Variants in HRG observed in about 807,000 individuals in gnomAD.
HRG encodes histidine-rich glycoprotein.
In HRG, 26 loss-of-function variants were observed where a neutral mutation model predicts 29.5. The ratio of observed to expected loss-of-function variants is 0.88; its 90% CI spans 0.65 to 1.22. The LOEUF is 1.22. Among genes scored for constraint, HRG ranks in the 50% most tolerant of loss-of-function variants. The pLI is 0.00. For missense variants in HRG, 671 were observed against 654.5 expected, an observed-to-expected ratio of 1.03 and a Z score of -0.28; for synonymous variants, 243 against 240.4, an observed-to-expected ratio of 1.01 and a Z score of -0.10.
chr3:186,676,914 C>CT (rs1719010732), intron 6 of HRG, 133 bp from the exon 7 acceptor site: 1 of 998,636 alleles, frequency 1.0e-6, no homozygotes, highest in African/African-American at 1.6e-5. Context: ...ATTTGAGAAT[C>CT]TTTTTTCGTA....
Position 186,675,127 on chromosome 3 carries a change from A to C in HRG, c.678A>C (p.Val226=). ...GCAGAGCAGATTTGTTCTATGATGT[A>C]GAAGCCTTGGACTTGGAAAGCCCGA... The part of the protein sequence containing the change: ...GFCRADLFYD[V]EALDLESPKN... The change falls in exon 6 of 7, where the codon GTA becomes GTC. Residue 226 remains valine (V), a synonymous_variant. Transcript: ENST00000232003. The C allele has an allele frequency of 6.2e-7, 1 of 1,613,866 alleles. No homozygotes were observed.
Position 186,675,302 on chromosome 3 carries a change from T to TGAGAGAGAGA in HRG, c.741+113_741+114insAGAGAGAGAG, listed in dbSNP as rs766618968. 1.6e-3 allele frequency: 894 copies of TGAGAGAGAGA among 573,316 alleles called. 3 individuals are homozygous for TGAGAGAGAGA. Among genetic ancestry groups the TGAGAGAGAGA allele is most frequent in the Middle Eastern group, 3.1e-3 (8 of 2,582 alleles). 35.5% of individuals were successfully genotyped at this position (573,316 alleles called of 1,614,324 possible). ...ATGAGTGGGTGTGTGTGTGTGTGTG[T>TGAGAGAGAGA]GTGTGTGAGAGAGAGAGAGAGAGAG... On this transcript the variant is annotated intron_variant, in intron 6 of 6. Coordinates refer to ENST00000232003, the MANE Select transcript of HRG (RefSeq NM_000412.5).
At chr3:186,667,810 G>A (rs1004355047) in intron 1 of HRG, among the ~76,000 whole-genome samples, 1 of 152,084 alleles carries the variant, frequency 6.6e-6, no homozygotes, top group South Asian at 2.1e-4. Flanking sequence ...AGCCAAGCCT[G>A]TGGGCTTGTC....
At chr3:186,670,623 C>T (rs1384501272) in intron 3 of HRG, among the ~76,000 whole-genome samples, 2 of 151,704 alleles carry the variant, frequency 1.3e-5, no homozygotes, top group Admixed American at 6.6e-5. Flanking sequence ...TCTCGGGTCA[C>T]TGCAACCTCC....
intron 2 of HRG, chr3:186,669,678 C>A: frequency 2.0e-6 from 1 of 496,576 alleles, no homozygotes; most frequent in East Asian, 3.8e-5. Context: ...CCACTTTTTC[C>A]CTTGAAAATG....
chr3:186,669,130 G>A, intron 2 of HRG, 79 bp downstream of exon 2: 1 of 852,816 alleles, frequency 1.2e-6, no homozygotes, highest in Admixed American at 1.7e-5. Flanking sequence ...CAATGCCTGG[G>A]CTAACACAGT....
At chr3:186,671,865 C>T in intron 4 of HRG, 76 bp downstream of exon 4, 12 of 1,226,190 alleles carry the variant, frequency 9.8e-6, no homozygotes, top group Non-Finnish European at 1.4e-5. Flanking sequence ...AATGGCATAC[C>T]CTCTCCACCT....
At chr3:186,669,709 C>A in intron 2 of HRG, 1 of 569,822 alleles carries the variant, frequency 1.8e-6, no homozygotes. Context: ...GGCCATGATG[C>A]TTTAAATAGT....
chr3:186,677,934 TA>T lies in HRG; in HGVS notation c.*54del. ...TGAATAATACATTGAATTAGAAACA[TA>T]AATAAAATGACCAGTAATTGTGAAA... is the stretch of plus-strand genomic sequence containing the variant. On this transcript the variant is annotated 3_prime_UTR_variant, in exon 7 of 7. Coordinates refer to ENST00000232003, the MANE Select transcript of HRG (RefSeq NM_000412.5). 1 of 1,534,544 alleles carries T rather than the reference TA, an allele frequency of 6.5e-7. No homozygotes were observed. Among genetic ancestry groups the T allele is most frequent in the Middle Eastern group, 1.7e-4 (1 of 5,892 alleles).
At chr3:186,666,596 G>A (rs1718617640) in intron 1 of HRG, among the ~76,000 whole-genome samples, 1 of 152,148 alleles carries the variant, frequency 6.6e-6, no homozygotes, top group South Asian at 2.1e-4. Context: ...ACCCTCCTAA[G>A]GCTCCTAACT....
chr3:186,671,817 G>A (rs369993781), intron 4 of HRG, 28 bp downstream of exon 4: 5 of 1,608,938 alleles, frequency 3.1e-6, no homozygotes, highest in Non-Finnish European at 4.3e-6. Flanking sequence ...TTCGGTTGGA[G>A]TCTGAAGGCC....
chr3:186,672,235 A>G (rs1718823287), intron 4 of HRG, among the ~76,000 whole-genome samples: 1 of 152,234 alleles, frequency 6.6e-6, no homozygotes. Flanking sequence ...GCTGTCTTGT[A>G]GAGCAACTGG....
Position 186,677,626 on chromosome 3 carries a change from C to A in HRG, c.1321C>A (p.Arg441=). 1 of 1,614,112 alleles carries A rather than the reference C, an allele frequency of 6.2e-7. No homozygotes were observed. The highest frequency in any genetic ancestry group is 2.2e-5 in the East Asian group (1 of 44,874). ...CCCACCACCTGGGCACTTAAGAAGG[C>A]GAGGCCCAGGTAAAGGACCCCGTCC... ...HGPPPGHLRR[R]GPGKGPRPFH... Residue 441 remains arginine, a synonymous_variant, in exon 7 of 7, where the codon CGA becomes AGA. Coordinates refer to ENST00000232003, the MANE Select transcript of HRG (RefSeq NM_000412.5).
chr3:186,670,129 T>A (rs1332148025), intron 3 of HRG, 101 bp downstream of exon 3: 1 of 749,504 alleles, frequency 1.3e-6, no homozygotes, highest in Non-Finnish European at 2.4e-6. Flanking sequence ...TCATATATAT[T>A]CAGATGTATT....
At position 186,675,204 on chromosome 3, in the gene HRG, G is replaced by T. The variant is rs771035607; in HGVS notation, c.741+14G>T. 3.2e-6 allele frequency: 5 copies of T among 1,569,940 alleles called. No homozygotes were observed. The South Asian group carries it at 4.4e-5, about 14-fold the overall frequency. ...TTCGACCCTCAGGTGGGTTGTCTAA[G>T]CAGACTTTGTCATGGCAGTGCCAGA... On this transcript the variant is annotated intron_variant, in intron 6 of 6. Coordinates refer to ENST00000232003, the MANE Select transcript of HRG (RefSeq NM_000412.5).
intron 4 of HRG, 39 bp downstream of exon 4, chr3:186,671,828 C>T (rs770471689): frequency 5.0e-6 from 8 of 1,584,174 alleles, no homozygotes; most frequent in Non-Finnish European, 6.1e-6. Context: ...TCTGAAGGCC[C>T]AGGCTCCAAC....
intron 5 of HRG, chr3:186,673,110 G>A (rs963155673): frequency 7.0e-6 from 4 of 573,598 alleles, no homozygotes; most frequent in Admixed American, 2.8e-5. Flanking sequence ...TTATTGTTTT[G>A]TTTTGTTTTT....
At chr3:186,670,578 G>C (rs116297009) in intron 3 of HRG, among the ~76,000 whole-genome samples, 1 of 152,010 alleles carries the variant, frequency 6.6e-6, no homozygotes, top group African/African-American at 2.4e-5. Flanking sequence ...ACAGAGTGTC[G>C]CTCTTGCTAC....
At chr3:186,668,293 T>C (rs1718674472) in intron 1 of HRG, among the ~76,000 whole-genome samples, 1 of 152,050 alleles carries the variant, frequency 6.6e-6, no homozygotes, top group South Asian at 2.1e-4. Context: ...GGGTCAGACC[T>C]GGGTTAGTGG....
Sources: allele counts gnomAD v4.1 joint callset (sites outside exome capture counted in the v4.1 genomes callset), GRCh38; gene constraint gnomAD v4.1.1; transcripts MANE v1.5; gene names NCBI Gene and HGNC (gene_info 2026-07-23, HGNC 2026-07-21).